GRM5: variants seen among roughly 807,000 people sequenced by gnomAD.
The protein encoded by GRM5 is glutamate metabotropic receptor 5.
GRM5 carries 19 observed loss-of-function variants against 83.1 expected under a neutral mutation model. That is an observed-to-expected ratio of 0.23 (90% CI 0.16 to 0.34). The LOEUF is 0.34. Among genes scored for constraint, GRM5 ranks in the 10% least tolerant of loss-of-function variants. The probability of loss-of-function intolerance (pLI) is 1.00; values close to 1 mark genes in which losing one functional copy is unlikely to be tolerated. For missense variants in GRM5, 1,160 were observed against 1,588.3 expected (o/e 0.73, Z 4.58); for synonymous variants, 675 against 633.6 (o/e 1.07, Z -0.98).
Position 88,509,390 on chromosome 11 carries a change from G to C in GRM5, c.2841C>G (p.Ala947=), listed in dbSNP as rs1395881373. 3 of 1,612,742 alleles carry C rather than the reference G, an allele frequency of 1.9e-6. No individual in the cohort carries two copies. Among genetic ancestry groups the C allele is most frequent in the Admixed American group, 3.3e-5 (2 of 60,000 alleles). The change falls in exon 10 of 10, where the codon GCC becomes GCG. Residue 947 remains alanine (A), a synonymous_variant. Transcript: ENST00000305447. ...TGCTCTTGGGGAAGGGCTTGATGAC[G>C]GCCGTTTGGTTGGGGTTTTCTTTCT... ...INKKENPNQT[A]VIKPFPKSTE...
At chr11:88,753,863 A>G (rs2135430395) in intron 3 of GRM5, among the ~76,000 whole-genome samples, 1 of 152,262 alleles carries the variant, frequency 6.6e-6, no homozygotes, top group East Asian at 1.9e-4. Flanking sequence ...GGCACGTCTC[A>G]CATTGCAGCA....
chr11:88,941,638 A>T (rs1294515662), intron 2 of GRM5, among the ~76,000 whole-genome samples: 2 of 151,818 alleles, frequency 1.3e-5, no homozygotes, highest in Non-Finnish European at 2.9e-5. Context: ...AAAGAATGCC[A>T]ACTGTAAATG....
At chr11:88,520,768 T>G (rs1304591058) in intron 9 of GRM5, among the ~76,000 whole-genome samples, 1 of 152,128 alleles carries the variant, frequency 6.6e-6, no homozygotes, top group Non-Finnish European at 1.5e-5. Context: ...TTTGGGGCTA[T>G]CTGAGGTCCT....
intron 8 of GRM5, among the ~76,000 whole-genome samples, chr11:88,542,438 G>C (rs1942288286): frequency 6.6e-6 from 1 of 152,158 alleles, no homozygotes; most frequent in Admixed American, 6.5e-5. Context: ...ATACGTAACA[G>C]GCACTATACT....
chr11:88,767,307 C>T lies in GRM5; in HGVS notation c.911+82599G>A, dbSNP rs529571714. ...ACTAAAACAGAATTGCTATTTGATC[C>T]AGAAATCGCATTATTAGGCATATCC... On this transcript the variant is annotated intron_variant, in intron 3 of 9. Coordinates refer to ENST00000305447, the MANE Select transcript of GRM5 (RefSeq NM_001143831.3). 7.2e-5 allele frequency among the ~76,000 whole-genome samples: 11 copies of T among 151,988 alleles called. No homozygotes were observed. The South Asian group carries it at 1.9e-3, about 26-fold the overall frequency.
At chr11:88,769,670 G>A (rs1454702051) in intron 3 of GRM5, among the ~76,000 whole-genome samples, 6 of 152,000 alleles carry the variant, frequency 3.9e-5, no homozygotes, top group Non-Finnish European at 8.8e-5. Context: ...ACTCCTAGTG[G>A]ACAAAGATTG....
At chr11:88,780,663 G>A (rs7948846) in intron 3 of GRM5, among the ~76,000 whole-genome samples, 40,191 of 151,852 alleles carry the variant, frequency 0.26, 5,797 homozygotes, top group South Asian at 0.56. Context: ...CATTTCAGGG[G>A]TATCTGTATA....
At chr11:88,862,222 G>A (rs1944577864) in intron 2 of GRM5, among the ~76,000 whole-genome samples, 1 of 152,080 alleles carries the variant, frequency 6.6e-6, no homozygotes, top group African/African-American at 2.4e-5. Context: ...CATGGTTTTT[G>A]GGAAATGGCT....
intron 6 of GRM5, among the ~76,000 whole-genome samples, chr11:88,596,420 T>C (rs1937807400): frequency 6.6e-6 from 1 of 152,184 alleles, no homozygotes; most frequent in African/African-American, 2.4e-5. Flanking sequence ...TCCAGTTTAA[T>C]AAAAATTAAG....
chr11:88,804,558 G>A (rs1256253684), intron 3 of GRM5, among the ~76,000 whole-genome samples: 1 of 151,756 alleles, frequency 6.6e-6, no homozygotes, highest in Non-Finnish European at 1.5e-5. Flanking sequence ...AGCGGGGAGG[G>A]ATAGCTTTAG....
intron 3 of GRM5, among the ~76,000 whole-genome samples, chr11:88,842,151 A>G (rs1309032538): frequency 6.6e-6 from 1 of 151,696 alleles, no homozygotes; most frequent in African/African-American, 2.4e-5. Flanking sequence ...GTAGTAAATG[A>G]TAAAATAGTA....
intron 2 of GRM5, among the ~76,000 whole-genome samples, chr11:88,900,222 G>T (rs187488754): frequency 6.6e-6 from 1 of 152,112 alleles, no homozygotes; most frequent in Non-Finnish European, 1.5e-5. Context: ...GTATAGTGAT[G>T]TACTGGTAAA....
chr11:88,532,999 G>T (rs1942048788), intron 8 of GRM5, among the ~76,000 whole-genome samples: 1 of 152,020 alleles, frequency 6.6e-6, no homozygotes, highest in Non-Finnish European at 1.5e-5. Flanking sequence ...TCTCAAACTG[G>T]TTCTGCTTTG....
At chr11:89,018,645 A>G (rs1340840882) in intron 2 of GRM5, among the ~76,000 whole-genome samples, 4 of 152,186 alleles carry the variant, frequency 2.6e-5, no homozygotes, top group African/African-American at 9.7e-5. Flanking sequence ...AAATGGTCAT[A>G]CAATGCAATA....
chr11:88,579,623 T>G (rs1157300044), intron 7 of GRM5, among the ~76,000 whole-genome samples: 3 of 152,198 alleles, frequency 2.0e-5, no homozygotes, highest in African/African-American at 7.2e-5. Context: ...TACCCTGGGA[T>G]AAGAGCCTTT....
intron 3 of GRM5, among the ~76,000 whole-genome samples, chr11:88,797,639 T>C (rs1943306044): frequency 6.6e-6 from 1 of 152,200 alleles, no homozygotes; most frequent in Admixed American, 6.5e-5. Flanking sequence ...AATTTTACAA[T>C]GCTAATAATC....
intron 3 of GRM5, among the ~76,000 whole-genome samples, chr11:88,823,935 T>TAAAA (rs1943847531): frequency 6.6e-6 from 1 of 152,144 alleles, no homozygotes; most frequent in East Asian, 1.9e-4. Context: ...TTTATTATTC[T>TAAAA]TGCTTCTTTT....
intron 7 of GRM5, among the ~76,000 whole-genome samples, chr11:88,584,955 C>A (rs1395143191): frequency 6.6e-6 from 1 of 152,112 alleles, no homozygotes; most frequent in African/African-American, 2.4e-5. Flanking sequence ...ATTTTTTAAG[C>A]TGAAGGAATT....
chr11:88,525,460 C>T (rs1055228417), intron 8 of GRM5, 56 bp from the exon 9 acceptor site: 3 of 1,093,446 alleles, frequency 2.7e-6, no homozygotes, highest in African/African-American at 3.1e-5. Flanking sequence ...GTGTGCTTAA[C>T]TGCCAGGCTG....
Sources: gnomAD v4.1 joint callset for allele counts (sites outside exome capture counted in the v4.1 genomes callset) on GRCh38, gnomAD v4.1.1 for gene constraint, MANE v1.5 for transcripts, NCBI Gene and HGNC (gene_info 2026-07-23, HGNC 2026-07-21) for gene names.